PRPF8: variants seen among roughly 807,000 people sequenced by gnomAD.
The protein encoded by PRPF8 is pre-mRNA processing factor 8.
PRPF8 carries 64 observed loss-of-function variants against 285.9 expected under a neutral mutation model. The observed-to-expected ratio is 0.22, with a 90% CI of 0.18 to 0.28. The LOEUF is 0.28. PRPF8 is among the 10% of genes least tolerant of loss of function. PRPF8 has a pLI of 1.00. For missense variants in PRPF8, 1,426 were observed against 3,026.7 expected, an observed-to-expected ratio of 0.47 and a Z score of 12.41; for synonymous variants, 1,325 against 1,118.2, an observed-to-expected ratio of 1.18 and a Z score of -3.69.
Position 1,675,392 on chromosome 17 carries a change from T to C in PRPF8, c.2873-53A>G. ...CAGGTTAGAAATCCTCTTGCAAGACTAGCCCCACAGGAACTATCATTACCT... is the reference window on the plus strand; with the variant it reads ...CAGGTTAGAAATCCTCTTGCAAGACCAGCCCCACAGGAACTATCATTACCT... On this transcript the variant is annotated intron_variant, in intron 19 of 42. Coordinates refer to ENST00000304992, the MANE Select transcript of PRPF8 (RefSeq NM_006445.4). The surrounding 1 kb of genome is among the most constrained non-coding windows in gnomAD (Gnocchi z 6.0). 7 of 1,590,250 alleles carry C rather than the reference T, an allele frequency of 4.4e-6. No individual in the cohort carries two copies. The South Asian group carries it at 7.7e-5, about 18-fold the overall frequency.
intron 24 of PRPF8, among the ~76,000 whole-genome samples, chr17:1,666,088 C>CCCGGGAGACGGAGCA (rs1233754314): frequency 6.6e-6 from 1 of 150,974 alleles, no homozygotes; most frequent in East Asian, 2.0e-4. Context: ...ATGGCGTGAA[C>CCCGGGAGACGGAGCA]CCGGGAGACG....
intron 36 of PRPF8, among the ~76,000 whole-genome samples, chr17:1,656,054 G>A (rs916115040): frequency 5.6e-5 from 8 of 143,670 alleles, no homozygotes; most frequent in Admixed American, 2.1e-4. Context: ...CCGAGTAGCT[G>A]GGACTACAGG....
chr17:1,684,646 G>C (rs1597252955), intron 1 of PRPF8, 64 bp from the exon 2 acceptor site: 1 of 1,490,206 alleles, frequency 6.7e-7, no homozygotes, highest in African/African-American at 1.4e-5. Context: ...AAGCGCAGCA[G>C]AAAGGCGTCC....
intron 36 of PRPF8, among the ~76,000 whole-genome samples, 178 bp downstream of exon 36, chr17:1,656,214 C>T (rs1210345627): frequency 2.6e-5 from 4 of 152,158 alleles, no homozygotes; most frequent in African/African-American, 4.8e-5. Context: ...TGAGCCACCA[C>T]GCCCGGCCCC....
chr17:1,652,096 T>C, intron 39 of PRPF8: 2 of 495,130 alleles, frequency 4.0e-6, no homozygotes, highest in South Asian at 4.4e-5. Flanking sequence ...CAGTGTATTT[T>C]CACAAGCTGA....
chr17:1,665,205 C>G (rs1277787582), intron 24 of PRPF8, among the ~76,000 whole-genome samples: 2 of 145,196 alleles, frequency 1.4e-5, no homozygotes, highest in Non-Finnish European at 3.0e-5. Context: ...TAAAGCAATG[C>G]TGAGAGGAAA....
At position 1,673,919 on chromosome 17, in the gene PRPF8, G is replaced by A. The variant is rs1380998448; in HGVS notation, c.3300-27C>T. On this transcript the variant is annotated intron_variant, in intron 21 of 42. Transcript: ENST00000304992. The surrounding 1 kb of genome is among the most constrained non-coding windows in gnomAD (Gnocchi z 5.5). ...TACACCAGACCAGGTACACTGCTGA[G>A]GCCCCAGTACACTGAGATTTGGGAC... is the stretch of plus-strand genomic sequence containing the variant. 6.2e-7 allele frequency: 1 copy of A among 1,609,186 alleles called. No individual in the cohort carries two copies. The highest frequency in any genetic ancestry group is 1.1e-5 in the South Asian group (1 of 91,050).
At chr17:1,683,397 C>A in intron 3 of PRPF8, 136 bp downstream of exon 3, 1 of 950,156 alleles carries the variant, frequency 1.1e-6, no homozygotes, top group South Asian at 1.4e-5. Context: ...TAGAAATTAT[C>A]AGAGACTCCT....
At chr17:1,671,147 C>G (rs1912293998) in intron 24 of PRPF8, among the ~76,000 whole-genome samples, 1 of 152,166 alleles carries the variant, frequency 6.6e-6, no homozygotes, top group Admixed American at 6.5e-5. Flanking sequence ...CATCGCCACA[C>G]TTCTGGCTAA....
In PRPF8 at chr17:1,661,546, T is replaced by C. The variant is rs911339235; in HGVS notation, c.4202+65A>G. ...ACCATGGCATGCTCTGACCCTGAACTCCACACGGTTCAAAGGCCACCACTG... is the reference window on the plus strand; with the variant it reads ...ACCATGGCATGCTCTGACCCTGAACCCCACACGGTTCAAAGGCCACCACTG... On this transcript the variant is annotated intron_variant, in intron 26 of 42. Transcript: ENST00000304992. This position sits in a 1 kb window ranked among gnomAD's most constrained non-coding sequence, Gnocchi z 7.3. 2.0e-5 allele frequency: 33 copies of C among 1,610,154 alleles called. No homozygotes were observed. Among genetic ancestry groups the C allele is most frequent in the Non-Finnish European group, 2.6e-5 (31 of 1,178,910 alleles).
At chr17:1,677,196 G>T (rs1291400557) in intron 14 of PRPF8, 24 bp from the exon 15 acceptor site, 3 of 1,607,416 alleles carry the variant, frequency 1.9e-6, no homozygotes, top group Non-Finnish European at 2.6e-6. Flanking sequence ...GTCCCAAGGG[G>T]ATTACAAGGA....
chr17:1,682,405 C>A, intron 3 of PRPF8, 112 bp from the exon 4 acceptor site: 1 of 1,402,672 alleles, frequency 7.1e-7, no homozygotes, highest in Non-Finnish European at 1.0e-6. Flanking sequence ...ACAATCCAAA[C>A]TCCCAAACTT....
intron 1 of PRPF8, 44 bp from the exon 2 acceptor site, chr17:1,684,626 G>A (rs1913140221): frequency 2.1e-5 from 33 of 1,585,014 alleles, no homozygotes; most frequent in Non-Finnish European, 2.5e-5. Flanking sequence ...CACAGGCCCG[G>A]GCCCACAAGA....
In PRPF8 at chr17:1,675,821, C is replaced by A. The variant is rs886052614; in HGVS notation, c.2680-9G>T. ...ATGAACTCAATGCCCACCTGTGGGA[C>A]AAGGAGGCTGGTTCACACCAATCCA... On this transcript the variant is annotated splice_polypyrimidine_tract_variant and intron_variant, in intron 18 of 42. Coordinates refer to ENST00000304992, the MANE Select transcript of PRPF8 (RefSeq NM_006445.4). The surrounding 1 kb of genome is among the most constrained non-coding windows in gnomAD (Gnocchi z 6.0). 4 of 1,614,002 alleles carry A rather than the reference C, an allele frequency of 2.5e-6. No individual in the cohort carries two copies. The African/African-American group carries it at 5.3e-5, about 22-fold the overall frequency.
At chr17:1,667,005 T>G (rs1912025569) in intron 24 of PRPF8, among the ~76,000 whole-genome samples, 1 of 152,078 alleles carries the variant, frequency 6.6e-6, no homozygotes, top group South Asian at 2.1e-4. Context: ...AAACCCTGTC[T>G]CTACTAAAAA....
In PRPF8 at chr17:1,651,079, C is replaced by G. The variant is rs1305917200; in HGVS notation, c.6853+29G>C. 6.8e-6 allele frequency: 11 copies of G among 1,614,044 alleles called. No homozygotes were observed. Among genetic ancestry groups the G allele is most frequent in the African/African-American group, 1.3e-5 (1 of 75,032 alleles). On this transcript the variant is annotated intron_variant, in intron 42 of 42. Transcript: ENST00000304992. This position sits in a 1 kb window ranked among gnomAD's most constrained non-coding sequence, Gnocchi z 5.1. ...GGCCTCACCTTATCCCTACTGCTATCCCCACATCCCCAGGCTCCTCCCACT... is the reference window on the plus strand; with the variant it reads ...GGCCTCACCTTATCCCTACTGCTATGCCCACATCCCCAGGCTCCTCCCACT...
rs1393659763 is a variant in PRPF8 at position 1,660,512 on chromosome 17, G to A, written c.4705C>T (p.Leu1569=). ...AAGATCTGGATGAGAGAGATCTTCA[G>A]CGTGGGGATCTTGCCGTGCATGAAG... ...GIFMHGKIPT[L]KISLIQIFRA... The change falls in exon 30 of 43, where the codon CTG becomes TTG. Residue 1569 remains leucine, a synonymous_variant. Transcript: ENST00000304992. The A allele has an allele frequency of 6.2e-7, 1 of 1,614,126 alleles. No individual in the cohort carries two copies. The highest frequency in any genetic ancestry group is 2.2e-5 in the East Asian group (1 of 44,902).
intron 37 of PRPF8, 96 bp from the exon 38 acceptor site, chr17:1,654,112 T>C: frequency 6.4e-7 from 1 of 1,572,018 alleles, no homozygotes; most frequent in South Asian, 1.1e-5. Context: ...CAGGACAGCC[T>C]ATACTCACGC....
chr17:1,674,054 C>T (rs1200515295), intron 21 of PRPF8, among the ~76,000 whole-genome samples, 162 bp from the exon 22 acceptor site: 1 of 151,928 alleles, frequency 6.6e-6, no homozygotes, highest in Non-Finnish European at 1.5e-5. Context: ...GAGACAGTCT[C>T]GCTCTTTCCC....
Sources: gnomAD v4.1 joint callset for allele counts (sites outside exome capture counted in the v4.1 genomes callset) on GRCh38, gnomAD v4.1.1 for gene constraint, Gnocchi (gnomAD v3.1) non-coding constraint, MANE v1.5 for transcripts, NCBI Gene and HGNC (gene_info 2026-07-23, HGNC 2026-07-21) for gene names.